Variants in SIDT2 observed in about 807,000 individuals in gnomAD.
SIDT2 encodes the protein SID1 transmembrane family member 2.
In SIDT2, 68 loss-of-function variants were observed where a neutral mutation model predicts 114.4. The observed-to-expected ratio is 0.59, with a 90% CI of 0.49 to 0.73. The LOEUF (loss-of-function observed/expected upper bound fraction) is 0.73. SIDT2 is among the 30% of genes least tolerant of loss of function. SIDT2 has a pLI of 0.00. For synonymous variants in SIDT2, 470 were observed against 438.4 expected, an observed-to-expected ratio of 1.07 and a Z score of -0.90; for missense variants, 918 against 1,097.1, an observed-to-expected ratio of 0.84 and a Z score of 2.31.
At position 117,190,613 on chromosome 11, in the gene SIDT2, T is replaced by C. The variant is rs2030665581; in HGVS notation, c.1618-10T>C. 1 of 1,563,100 alleles carries C rather than the reference T, an allele frequency of 6.4e-7. No individual in the cohort carries two copies. Among genetic ancestry groups the C allele is most frequent in the Non-Finnish European group, 8.7e-7 (1 of 1,150,530 alleles). Reference sequence around the variant, plus strand: ...TCCTCCCTCCCTTCCCTTCTCTCTCTCCCCAACAGGAATGTGGGATCCCCA... The same window carrying C: ...TCCTCCCTCCCTTCCCTTCTCTCTCCCCCCAACAGGAATGTGGGATCCCCA... On this transcript the variant is annotated splice_polypyrimidine_tract_variant and intron_variant, in intron 17 of 25. Coordinates refer to ENST00000324225, the MANE Select transcript of SIDT2 (RefSeq NM_001040455.2). This position sits in a 1 kb window ranked among gnomAD's most constrained non-coding sequence, Gnocchi z 4.1.
Position 117,196,315 on chromosome 11 carries a change from T to C in SIDT2, c.*249T>C. The C allele has an allele frequency of 1.8e-6, 1 of 561,524 alleles. No homozygotes were observed. Among genetic ancestry groups the C allele is most frequent in the Non-Finnish European group, 3.2e-6 (1 of 313,458 alleles). 34.8% of individuals were successfully genotyped at this position (561,524 alleles called of 1,614,324 possible). On this transcript the variant is annotated 3_prime_UTR_variant, in exon 26 of 26. Coordinates refer to ENST00000324225, the MANE Select transcript of SIDT2 (RefSeq NM_001040455.2). The surrounding 1 kb of genome is among the most constrained non-coding windows in gnomAD (Gnocchi z 4.9). ...CCCAGATGTTGGCCAAATTGCTGCT[T>C]TCTTCTCAGTGTTGGGGCCTTCCAT...
chr11:117,184,029 C>T, intron 7 of SIDT2, 45 bp from the exon 8 acceptor site: 3 of 1,609,216 alleles, frequency 1.9e-6, no homozygotes, highest in Non-Finnish European at 2.6e-6. Flanking sequence ...TGACTCTAGC[C>T]AAGCTCCAGG....
Position 117,196,399 on chromosome 11 carries a change from A to C in SIDT2, c.*333A>C. On this transcript the variant is annotated 3_prime_UTR_variant, in exon 26 of 26. Transcript: ENST00000324225. The surrounding 1 kb of genome is among the most constrained non-coding windows in gnomAD (Gnocchi z 4.9). ...TTGCAAGAGGAAGGATGGAAGGGACACCCTCCCCATTTCATGCCTTGCATT... is the reference window on the plus strand; with the variant it reads ...TTGCAAGAGGAAGGATGGAAGGGACCCCCTCCCCATTTCATGCCTTGCATT... 2 of 327,526 alleles carry C rather than the reference A, an allele frequency of 6.1e-6. No individual in the cohort carries two copies. Among genetic ancestry groups the C allele is most frequent in the Non-Finnish European group, 1.2e-5 (2 of 173,802 alleles). The allele number at this position is 327,526 out of a possible 1,614,324, so 20.3% of individuals were successfully genotyped here. A position where few individuals can be genotyped will look rare whatever the true frequency, so the allele number is the denominator to read the frequency against.
At chr11:117,182,168 G>A in intron 4 of SIDT2, 63 bp downstream of exon 4, 1 of 1,581,824 alleles carries the variant, frequency 6.3e-7, no homozygotes, top group South Asian at 1.1e-5. Flanking sequence ...GAGAATGGGA[G>A]TGGCCAGCGG....
In SIDT2 at chr11:117,190,240, G is replaced by T. The variant is rs777557219; in HGVS notation, c.1568G>T (p.Arg523Leu). 1 of 1,575,006 alleles carries T rather than the reference G, an allele frequency of 6.3e-7. No individual in the cohort carries two copies. Among genetic ancestry groups the T allele is most frequent in the Admixed American group, 1.8e-5 (1 of 54,526 alleles). Residue 523 changes from arginine (R) to leucine (L), a missense_variant, in exon 17 of 26, where the codon CGG (arginine) becomes CTG (leucine). Transcript: ENST00000324225. This position sits in a 1 kb window ranked among gnomAD's most constrained non-coding sequence, Gnocchi z 4.1. ...GLLFLLIILQ[R>L]EINHNRALLR... Reference sequence around the variant, plus strand: ...CTTTTCCTGCTCATCATCCTGCAACGGGAGATCAACCACAACCGGGCCCTG... The same window carrying T: ...CTTTTCCTGCTCATCATCCTGCAACTGGAGATCAACCACAACCGGGCCCTG...
chr11:117,179,205 C>T lies in SIDT2; in HGVS notation c.-59C>T, dbSNP rs937175531. 8.4e-6 allele frequency: 13 copies of T among 1,553,866 alleles called. No individual in the cohort carries two copies. Among genetic ancestry groups the T allele is most frequent in the Admixed American group, 1.8e-5 (1 of 54,782 alleles). On this transcript the variant is annotated 5_prime_UTR_variant, in exon 1 of 26. Transcript: ENST00000324225. ...AGCCGCAACCCGTCCCGGAGGTGTC[C>T]TGTCTCCTGTCGCCGCCGCCGCCGC...
At position 117,193,157 on chromosome 11, in the gene SIDT2, GC is replaced by G; in HGVS notation, c.2112del (p.Tyr705MetfsTer32). The stretch of plus-strand genomic sequence containing the variant: ...ACCCTTCATCCCTCTTGCCAGGGCT[GC>G]CTATGGGCTTATCATGCGCCCCAAT... ...MGNVINWSLAAYGLIMRPNDF... is the reference protein window; with the variant it reads ...MGNVINWSLAXYGLIMRPNDF... On this transcript the variant is annotated frameshift_variant, in exon 23 of 26. Coordinates refer to ENST00000324225, the MANE Select transcript of SIDT2 (RefSeq NM_001040455.2). LOFTEE classifies it high-confidence loss of function. The G allele has an allele frequency of 6.2e-7, 1 of 1,614,174 alleles. No individual in the cohort carries two copies. The highest frequency in any genetic ancestry group is 8.5e-7 in the Non-Finnish European group (1 of 1,180,022).
Position 117,192,981 on chromosome 11 carries a change from G to A in SIDT2, c.2105+115G>A. On this transcript the variant is annotated intron_variant, in intron 22 of 25. Transcript: ENST00000324225. The surrounding 1 kb of genome is among the most constrained non-coding windows in gnomAD (Gnocchi z 5.9). ...CAAATGTTGGGCATAAGACATGGGGGCTAAGAGAGATCTTGGCCTCTCTTC... is the reference window on the plus strand; with the variant it reads ...CAAATGTTGGGCATAAGACATGGGGACTAAGAGAGATCTTGGCCTCTCTTC... The A allele has an allele frequency of 7.0e-7, 1 of 1,434,378 alleles. No individual in the cohort carries two copies. The highest frequency in any genetic ancestry group is 9.8e-7 in the Non-Finnish European group (1 of 1,016,930). 88.9% of individuals were successfully genotyped at this position (1,434,378 alleles called of 1,614,324 possible).
chr11:117,185,804 T>G, intron 8 of SIDT2: 1 of 230,124 alleles, frequency 4.3e-6, no homozygotes, highest in Non-Finnish European at 8.5e-6. Context: ...AGCCTAGGAG[T>G]TGGAGGCTGC....
At chr11:117,181,302 C>A in intron 1 of SIDT2, 114 bp from the exon 2 acceptor site, 1 of 1,496,118 alleles carries the variant, frequency 6.7e-7, no homozygotes, top group South Asian at 1.2e-5. Context: ...CTGGCCCGAC[C>A]AAGATGGAGA....
At chr11:117,189,295 T>C (rs1276238015) in intron 14 of SIDT2, 40 bp from the exon 15 acceptor site, 1 of 1,612,866 alleles carries the variant, frequency 6.2e-7, no homozygotes. Context: ...GTGGCAGCCT[T>C]GGGTGCCACC....
intron 8 of SIDT2, chr11:117,185,835 C>T (rs1011140885): frequency 6.6e-6 from 2 of 300,912 alleles, no homozygotes; most frequent in Non-Finnish European, 1.2e-5. Flanking sequence ...GATCGTGCCA[C>T]TGCACTCCAG....
At chr11:117,189,446 C>A (rs376187034) in intron 15 of SIDT2, 45 bp downstream of exon 15, 1 of 1,594,590 alleles carries the variant, frequency 6.3e-7, no homozygotes. Context: ...CCTAGGACAC[C>A]GCCCCAAAGT....
chr11:117,193,467 C>A (rs1474005706), intron 23 of SIDT2, among the ~76,000 whole-genome samples: 1 of 152,324 alleles, frequency 6.6e-6, no homozygotes, highest in South Asian at 2.1e-4. Flanking sequence ...GCCCTTGAAA[C>A]AGGTGGCATT....
intron 1 of SIDT2, chr11:117,179,789 T>C (rs2030196412): frequency 2.0e-5 from 4 of 195,206 alleles, no homozygotes; most frequent in Non-Finnish European, 4.0e-5. Flanking sequence ...GGAAACAGGC[T>C]TATTACTGGG....
rs949487828 is a variant in SIDT2 at position 117,193,846 on chromosome 11, C to T, written c.2212-7C>T. 6.2e-7 allele frequency: 1 copy of T among 1,612,356 alleles called. No individual in the cohort carries two copies. The highest frequency in any genetic ancestry group is 8.5e-7 in the Non-Finnish European group (1 of 1,178,616). Reference sequence around the variant, plus strand: ...TCAGACTGCTGTCCCTGCCTGGCCCCTCCCAGCTCCGGAGTGGGGAGAGGA... The same window carrying T: ...TCAGACTGCTGTCCCTGCCTGGCCCTTCCCAGCTCCGGAGTGGGGAGAGGA... On this transcript the variant is annotated splice_polypyrimidine_tract_variant and splice_region_variant and intron_variant, in intron 23 of 25. Coordinates refer to ENST00000324225, the MANE Select transcript of SIDT2 (RefSeq NM_001040455.2).
Position 117,196,457 on chromosome 11 carries a change from TG to T in SIDT2, c.*394del. 1 of 257,284 alleles carries T rather than the reference TG, an allele frequency of 3.9e-6. No homozygotes were observed. 15.9% of individuals were successfully genotyped at this position (257,284 alleles called of 1,614,324 possible). Reference sequence around the variant, plus strand: ...TCCTCCTCCCCACAATGCCCCAGCCTGGGACCTAAGGCCTCTTTTTCCTCCC... The same window carrying T: ...TCCTCCTCCCCACAATGCCCCAGCCTGGACCTAAGGCCTCTTTTTCCTCCC... On this transcript the variant is annotated 3_prime_UTR_variant, in exon 26 of 26. Coordinates refer to ENST00000324225, the MANE Select transcript of SIDT2 (RefSeq NM_001040455.2). This position sits in a 1 kb window ranked among gnomAD's most constrained non-coding sequence, Gnocchi z 4.9.
rs910700442 is a variant in SIDT2, at chr11:117,188,302, C to A, written c.1160-406C>A. 1 of 314,402 alleles carries A rather than the reference C, an allele frequency of 3.2e-6. No homozygotes were observed. Among genetic ancestry groups the A allele is most frequent in the African/African-American group, 2.2e-5 (1 of 46,478 alleles). The allele number at this position is 314,402 out of a possible 1,614,324, so 19.5% of individuals were successfully genotyped here. On this transcript the variant is annotated intron_variant, in intron 12 of 25. Coordinates refer to ENST00000324225, the MANE Select transcript of SIDT2 (RefSeq NM_001040455.2). This position sits in a 1 kb window ranked among gnomAD's most constrained non-coding sequence, Gnocchi z 4.0. ...CACCCCAGGCCCACTGGGTCTTTAACCCAGTGGCAGCCAAGGCAGTGTCTT... is the reference window on the plus strand; with the variant it reads ...CACCCCAGGCCCACTGGGTCTTTAAACCAGTGGCAGCCAAGGCAGTGTCTT...
intron 9 of SIDT2, 70 bp downstream of exon 9, chr11:117,186,293 C>A (rs972582024): frequency 1.5e-6 from 2 of 1,376,602 alleles, no homozygotes; most frequent in Non-Finnish European, 2.1e-6. Context: ...GATCACCTGG[C>A]AGGATCTGAG....
Sources: allele counts gnomAD v4.1 joint callset (sites outside exome capture counted in the v4.1 genomes callset), GRCh38; gene constraint gnomAD v4.1.1; non-coding constraint Gnocchi (gnomAD v3.1); transcripts MANE v1.5; gene names NCBI Gene and HGNC (gene_info 2026-07-23, HGNC 2026-07-21).